TRERF1: variants seen among roughly 807,000 people sequenced by gnomAD.
The protein encoded by TRERF1 is transcriptional regulating factor 1.
Under a neutral mutation model 122.9 loss-of-function variants are expected in TRERF1, and 27 were observed. The observed-to-expected ratio is 0.22, with a 90% CI of 0.16 to 0.30. The LOEUF (loss-of-function observed/expected upper bound fraction) is 0.30, where lower values mean the gene tolerates loss of function less well. Ranked by LOEUF, TRERF1 falls within the 10% of genes least tolerant of loss-of-function variation. The pLI is 1.00. For missense variants in TRERF1, 1,248 were observed against 1,560.3 expected, an observed-to-expected ratio of 0.80 and a Z score of 3.37; for synonymous variants, 636 against 641.7, an observed-to-expected ratio of 0.99 and a Z score of 0.13.
Position 42,276,425 on chromosome 6 carries a change from C to A in TRERF1, c.-258-6577G>T, listed in dbSNP as rs1262321635. Among the ~76,000 whole-genome samples the A allele has an allele frequency of 6.6e-6, 1 of 152,174 alleles. No homozygotes were observed. The highest frequency in any genetic ancestry group is 1.5e-5 in the Non-Finnish European group (1 of 68,036). On this transcript the variant is annotated intron_variant, in intron 4 of 17. Transcript: ENST00000372922. The surrounding 1 kb of genome is among the most constrained non-coding windows in gnomAD (Gnocchi z 4.3). ...GACTGTATACACAATTCTCCAAATGCCTTGGCTTGTGTTTTAGTCCAGCCT... is the reference window on the plus strand; with the variant it reads ...GACTGTATACACAATTCTCCAAATGACTTGGCTTGTGTTTTAGTCCAGCCT...
At chr6:42,369,829 T>C (rs1025289737) in intron 2 of TRERF1, among the ~76,000 whole-genome samples, 1 of 152,158 alleles carries the variant, frequency 6.6e-6, no homozygotes, top group African/African-American at 2.4e-5. Flanking sequence ...TCACTCACCC[T>C]GCTCCTTATG....
At chr6:42,446,701 T>TA (rs1310548531) in intron 2 of TRERF1, among the ~76,000 whole-genome samples, 2 of 152,138 alleles carry the variant, frequency 1.3e-5, no homozygotes, top group South Asian at 2.1e-4. Context: ...CTTATGGCAT[T>TA]AAAAAAACCC....
At chr6:42,424,370 A>G (rs1783290120) in intron 2 of TRERF1, among the ~76,000 whole-genome samples, 1 of 152,244 alleles carries the variant, frequency 6.6e-6, no homozygotes, top group Admixed American at 6.5e-5. Context: ...GAATGCCAAC[A>G]TGACAACACA....
At position 42,259,738 on chromosome 6, in the gene TRERF1, A is replaced by G. The variant is rs1475198926; in HGVS notation, c.1885-15T>C. ...CTGGGGATTTCCTAAAACCGGAACAACGATCTGATTCGAATACTTCAGCTT... is the reference window on the plus strand; with the variant it reads ...CTGGGGATTTCCTAAAACCGGAACAGCGATCTGATTCGAATACTTCAGCTT... On this transcript the variant is annotated splice_polypyrimidine_tract_variant and intron_variant, in intron 8 of 17. Transcript: ENST00000372922. The surrounding 1 kb of genome is among the most constrained non-coding windows in gnomAD (Gnocchi z 4.9). 1.1e-5 allele frequency: 18 copies of G among 1,600,178 alleles called. No individual in the cohort carries two copies. Among genetic ancestry groups the G allele is most frequent in the Non-Finnish European group, 1.5e-5 (18 of 1,179,876 alleles).
chr6:42,287,101 A>G (rs1332316735), intron 4 of TRERF1, among the ~76,000 whole-genome samples: 1 of 141,080 alleles, frequency 7.1e-6, no homozygotes, highest in East Asian at 2.1e-4. Context: ...ATGAGATCAC[A>G]TGGACACAGG....
intron 2 of TRERF1, among the ~76,000 whole-genome samples, chr6:42,394,385 C>T (rs1310681784): frequency 6.6e-6 from 1 of 152,214 alleles, no homozygotes; most frequent in Non-Finnish European, 1.5e-5. Context: ...AGCAGAGAAG[C>T]CAGGCACAGC....
chr6:42,293,900 G>C (rs1784684632), intron 4 of TRERF1, among the ~76,000 whole-genome samples: 1 of 152,164 alleles, frequency 6.6e-6, no homozygotes. Context: ...AGTTGGACCT[G>C]AGGAGCTCCA....
chr6:42,230,667 C>T (rs768474917), intron 17 of TRERF1, among the ~76,000 whole-genome samples: 6 of 152,094 alleles, frequency 3.9e-5, no homozygotes, highest in Non-Finnish European at 7.3e-5. Context: ...CATGGTGCAC[C>T]AGTGTGTGGT....
At chr6:42,272,847 C>T (rs575514526) in intron 4 of TRERF1, among the ~76,000 whole-genome samples, 11 of 152,262 alleles carry the variant, frequency 7.2e-5, no homozygotes, top group Non-Finnish European at 1.5e-4. Context: ...TTTCTGACCC[C>T]CAAAGATTGC....
At chr6:42,303,904 TAAAAA>T (rs60880174) in intron 3 of TRERF1, among the ~76,000 whole-genome samples, 5 of 69,258 alleles carry the variant, frequency 7.2e-5, no homozygotes, top group African/African-American at 1.8e-4. Context: ...CACTGTCTCA[TAAAAA>T]AAAAAAAAAA....
intron 2 of TRERF1, among the ~76,000 whole-genome samples, chr6:42,405,794 CA>C (rs34821967): frequency 2.3e-3 from 250 of 108,248 alleles, no homozygotes; most frequent in South Asian, 0.012. Flanking sequence ...GACCTTGTCT[CA>C]AAAAAAAAAA....
chr6:42,272,117 G>A (rs1196154665), intron 4 of TRERF1, among the ~76,000 whole-genome samples: 2 of 152,290 alleles, frequency 1.3e-5, no homozygotes, highest in East Asian at 1.9e-4. Flanking sequence ...TTCAGCAAAT[G>A]TATCATAAAA....
At chr6:42,277,076 T>G (rs1035610668) in intron 4 of TRERF1, among the ~76,000 whole-genome samples, 1 of 152,174 alleles carries the variant, frequency 6.6e-6, no homozygotes, top group Non-Finnish European at 1.5e-5. Flanking sequence ...GTCTCCCCCC[T>G]GTGACTACCA....
At chr6:42,372,349 C>T (rs1773914429) in intron 2 of TRERF1, among the ~76,000 whole-genome samples, 1 of 152,180 alleles carries the variant, frequency 6.6e-6, no homozygotes. Flanking sequence ...TCAGCTCCTA[C>T]ATGAGGCTTC....
Position 42,228,309 on chromosome 6 carries a change from G to A in TRERF1, c.*36C>T, listed in dbSNP as rs147830383. ...TTCCTGATTAATGAAGATGGAGGCC[G>A]TGGGTTTTCACTGTCTCTAAGTGAC... On this transcript the variant is annotated 3_prime_UTR_variant, in exon 18 of 18. Transcript: ENST00000372922. The surrounding 1 kb of genome is among the most constrained non-coding windows in gnomAD (Gnocchi z 4.2). 5.6e-4 allele frequency: 861 copies of A among 1,536,190 alleles called. 4 individuals are homozygous for A. The African/African-American group carries it at 9.3e-3, about 17-fold the overall frequency.
chr6:42,315,711 C>A (rs896232415), intron 3 of TRERF1, among the ~76,000 whole-genome samples: 3 of 149,446 alleles, frequency 2.0e-5, no homozygotes, highest in Non-Finnish European at 3.0e-5. Flanking sequence ...ACACCACCCC[C>A]CCCCCCACCC....
chr6:42,279,972 C>T lies in TRERF1; in HGVS notation c.-258-10124G>A, dbSNP rs150545786. Among the ~76,000 whole-genome samples the T allele has an allele frequency of 1.2e-3, 183 of 152,172 alleles. 4 individuals carry two copies. The highest frequency in any genetic ancestry group is 4.1e-3 in the African/African-American group (170 of 41,516). ...GTACAAAGTCAGTATGTAAAATAAC[C>T]GTGCAATAGTGTTCTTGTGTTTGGG... On this transcript the variant is annotated intron_variant, in intron 4 of 17. Transcript: ENST00000372922.
chr6:42,386,411 C>T (rs1180032424), intron 2 of TRERF1, among the ~76,000 whole-genome samples: 2 of 152,236 alleles, frequency 1.3e-5, no homozygotes, highest in East Asian at 1.9e-4. Context: ...CCATTGCATT[C>T]CAGCCTGGGC....
chr6:42,247,943 T>G (rs764035199), intron 13 of TRERF1, among the ~76,000 whole-genome samples: 6 of 152,090 alleles, frequency 3.9e-5, no homozygotes, highest in Non-Finnish European at 8.8e-5. Flanking sequence ...TATACTTCAT[T>G]AGTGGGGTAC....
Sources: allele counts gnomAD v4.1 joint callset (sites outside exome capture counted in the v4.1 genomes callset), GRCh38; gene constraint gnomAD v4.1.1; non-coding constraint Gnocchi (gnomAD v3.1); transcripts MANE v1.5; gene names NCBI Gene and HGNC (gene_info 2026-07-23, HGNC 2026-07-21).